The following DTNB variants were observed in gnomAD, a reference collection of about 807,000 sequenced individuals.
The protein encoded by DTNB is DTN-B.
In DTNB, 63 loss-of-function variants were observed where a neutral mutation model predicts 90.7. The observed-to-expected ratio is 0.69, with a 90% CI of 0.57 to 0.86. The LOEUF is 0.86. Ranked by LOEUF, DTNB falls within the 40% of genes least tolerant of loss-of-function variation. The probability of loss-of-function intolerance (pLI) is 0.00; values close to 1 mark genes in which losing one functional copy is unlikely to be tolerated. For missense variants in DTNB, 744 were observed against 807.1 expected (o/e 0.92, Z 0.95); for synonymous variants, 277 against 286.7 (o/e 0.97, Z 0.34).
chr2:25,386,281 G>C (rs1191340285), intron 18 of DTNB, among the ~76,000 whole-genome samples: 2 of 152,220 alleles, frequency 1.3e-5, no homozygotes, highest in African/African-American at 4.8e-5. Context: ...AAACATGTGA[G>C]CTTTCTCCTA....
Position 25,427,578 on chromosome 2 carries a change from C to A in DTNB, c.1511G>T (p.Arg504Leu). The A allele has an allele frequency of 6.2e-7, 1 of 1,613,754 alleles. No homozygotes were observed. Among genetic ancestry groups the A allele is most frequent in the Non-Finnish European group, 8.5e-7 (1 of 1,179,844 alleles). Reference sequence around the variant, plus strand: ...CTCTTCCAGCTGGACCATCAGCTCCCGCCTGCTCTCCTGCAGGGCCGACAT... The same window carrying A: ...CTCTTCCAGCTGGACCATCAGCTCCAGCCTGCTCTCCTGCAGGGCCGACAT... ...QRMSALQESR[R>L]ELMVQLEELM... The change falls in exon 15 of 21, where the codon CGG (arginine) becomes CTG (leucine). Residue 504 changes from arginine (R) to leucine (L), a missense_variant. By Grantham distance (102) the Arg-to-Leu change is moderately radical. Transcript: ENST00000406818.
At chr2:25,575,419 C>T (rs745515210) in intron 8 of DTNB, among the ~76,000 whole-genome samples, 1 of 151,762 alleles carries the variant, frequency 6.6e-6, no homozygotes, top group Non-Finnish European at 1.5e-5. Flanking sequence ...CTCTTCACAA[C>T]CACCACCACC....
At chr2:25,465,567 C>T (rs1003562088) in intron 10 of DTNB, among the ~76,000 whole-genome samples, 8 of 152,158 alleles carry the variant, frequency 5.3e-5, no homozygotes, top group African/African-American at 1.4e-4. Flanking sequence ...TGGTTTTCTA[C>T]GCTCGGCCCT....
At chr2:25,490,765 T>C (rs1044664575) in intron 9 of DTNB, among the ~76,000 whole-genome samples, 2 of 152,182 alleles carry the variant, frequency 1.3e-5, no homozygotes, top group South Asian at 2.1e-4. Flanking sequence ...ATGATGATGA[T>C]AGCTAACAAC....
chr2:25,378,366 C>G (rs1027957716), intron 20 of DTNB, among the ~76,000 whole-genome samples: 1 of 152,192 alleles, frequency 6.6e-6, no homozygotes, highest in Non-Finnish European at 1.5e-5. Flanking sequence ...CTCGCACAAT[C>G]CAGAGTCAGC....
At position 25,652,630 on chromosome 2, in the gene DTNB, T is replaced by A. The variant is rs2081182087; in HGVS notation, c.31A>T (p.Thr11Ser). The change falls in exon 2 of 21, where the codon ACC becomes TCC. Residue 11 changes from threonine (T) to serine (S), a missense_variant. Physicochemically the swap from Thr to Ser is moderately conservative, Grantham distance 58. Transcript: ENST00000406818. MIEESGNKRK[T>S]MAEKRQLFIE... ...AACAGCTGCCTCTTCTCTGCCATGGTCTTCCGCTTGTTCCCACTTTCCTCA... is the reference window on the plus strand; with the variant it reads ...AACAGCTGCCTCTTCTCTGCCATGGACTTCCGCTTGTTCCCACTTTCCTCA... 4 of 1,612,778 alleles carry A rather than the reference T, an allele frequency of 2.5e-6. No homozygotes were observed. The East Asian group carries it at 8.9e-5, about 36-fold the overall frequency.
intron 2 of DTNB, chr2:25,649,943 C>CT: frequency 1.1e-6 from 1 of 895,966 alleles, no homozygotes; most frequent in African/African-American, 1.8e-5. Context: ...GGGGGTGGGG[C>CT]TTCCAGCAGC....
At chr2:25,645,264 T>C (rs1454257330) in intron 2 of DTNB, among the ~76,000 whole-genome samples, 1 of 149,960 alleles carries the variant, frequency 6.7e-6, no homozygotes, top group Non-Finnish European at 1.5e-5. Flanking sequence ...ACGCCTGTAA[T>C]CCCAGCTACT....
chr2:25,538,585 G>A (rs2080386615), intron 8 of DTNB, among the ~76,000 whole-genome samples: 1 of 152,148 alleles, frequency 6.6e-6, no homozygotes, highest in African/African-American at 2.4e-5. Flanking sequence ...CCTAGCAGCT[G>A]GGACTACAGG....
At chr2:25,633,426 G>A (rs1305146280) in intron 3 of DTNB, among the ~76,000 whole-genome samples, 3 of 152,226 alleles carry the variant, frequency 2.0e-5, no homozygotes, top group East Asian at 1.9e-4. Flanking sequence ...TCGGCCTCTC[G>A]AGGTGCCGGG....
At chr2:25,531,731 T>C (rs1032407706) in intron 8 of DTNB, 134 bp from the exon 9 acceptor site, 1 of 1,237,294 alleles carries the variant, frequency 8.1e-7, no homozygotes, top group East Asian at 2.6e-5. Flanking sequence ...TACATCAATA[T>C]CATTGGGCCT....
At chr2:25,609,709 A>AC (rs2068082214) in intron 4 of DTNB, among the ~76,000 whole-genome samples, 4 of 129,452 alleles carry the variant, frequency 3.1e-5, no homozygotes, top group South Asian at 2.4e-4. Context: ...CACACACACA[A>AC]AATTAAAAAT....
intron 8 of DTNB, among the ~76,000 whole-genome samples, chr2:25,536,679 G>A (rs910150347): frequency 1.2e-4 from 19 of 152,138 alleles, no homozygotes; most frequent in African/African-American, 4.6e-4. Flanking sequence ...TCCAGGCTCC[G>A]CAAGAGAGGG....
intron 9 of DTNB, among the ~76,000 whole-genome samples, chr2:25,518,673 T>C (rs529908942): frequency 6.6e-6 from 1 of 152,250 alleles, no homozygotes; most frequent in African/African-American, 2.4e-5. Flanking sequence ...AGGACTGTCT[T>C]AGATGATGCA....
intron 6 of DTNB, among the ~76,000 whole-genome samples, chr2:25,584,096 T>C (rs2061984254): frequency 6.6e-6 from 1 of 152,224 alleles, no homozygotes; most frequent in African/African-American, 2.4e-5. Context: ...CTCAGTGTCA[T>C]CAGGGAACCC....
chr2:25,551,009 A>G (rs562312796), intron 8 of DTNB, among the ~76,000 whole-genome samples: 9 of 152,224 alleles, frequency 5.9e-5, no homozygotes, highest in Non-Finnish European at 1.3e-4. Context: ...AGCTCCTATT[A>G]GATAAATAAT....
chr2:25,525,690 A>G (rs1010067828), intron 9 of DTNB, among the ~76,000 whole-genome samples: 6 of 152,154 alleles, frequency 3.9e-5, no homozygotes, highest in Admixed American at 2.0e-4. Flanking sequence ...AATAAGAATT[A>G]ATAAGGAAAA....
In DTNB at chr2:25,482,989, C is replaced by G. The variant is rs115321447; in HGVS notation, c.1002-116G>C. The G allele has an allele frequency of 3.1e-3, 3,091 of 1,013,308 alleles. 71 individuals are homozygous for G. The African/African-American group carries it at 0.047, about 16-fold the overall frequency. 62.8% of individuals were successfully genotyped at this position (1,013,308 alleles called of 1,614,324 possible). On this transcript the variant is annotated intron_variant, in intron 9 of 20. Transcript: ENST00000406818. The stretch of plus-strand genomic sequence containing the variant: ...AATCATCATTCGCGGTAAGCACAGA[C>G]GGACCCATGGGGAGGGGGGGGACCC...
At chr2:25,625,150 T>C (rs980096397) in intron 4 of DTNB, among the ~76,000 whole-genome samples, 5 of 152,186 alleles carry the variant, frequency 3.3e-5, no homozygotes, top group African/African-American at 1.2e-4. Flanking sequence ...TTAAATAATT[T>C]TTGCTTTCAA....
Sources: allele counts gnomAD v4.1 joint callset (sites outside exome capture counted in the v4.1 genomes callset), GRCh38; gene constraint gnomAD v4.1.1; transcripts MANE v1.5; gene names NCBI Gene and HGNC (gene_info 2026-07-23, HGNC 2026-07-21).